Variants in BRIP1 observed in about 807,000 individuals in gnomAD.
BRIP1 encodes Fanconi anemia group J protein.
A neutral mutation model predicts 119.7 loss-of-function variants in BRIP1; 88 were observed. That is an observed-to-expected ratio of 0.74 (90% CI 0.62 to 0.88). The LOEUF is 0.88. Among genes scored for constraint, BRIP1 ranks in the 40% least tolerant of loss-of-function variants. BRIP1 has a pLI of 0.00. For synonymous variants in BRIP1, 443 were observed against 496.5 expected (o/e 0.89, Z 1.43); for missense variants, 1,259 against 1,455.4 (o/e 0.87, Z 2.20).
rs1420431000 is a variant in BRIP1, at chr17:61,683,816, A to C, written c.3230T>G (p.Leu1077Ter). Residue 1077 changes from leucine (L) to a stop codon, truncating the protein, a stop_gained, in exon 20 of 20, where the codon TTA becomes TGA. Coordinates refer to ENST00000259008, the MANE Select transcript of BRIP1 (RefSeq NM_032043.3). LOFTEE classifies it low-confidence loss of function (END_TRUNC). This position sits in a 1 kb window ranked among gnomAD's most constrained non-coding sequence, Gnocchi z 4.7. ...CPQSETIISS[L>*]KIDATLTRKN... ...TCTAGTAAGGGTGGCATCAATCTTT[A>C]ATGATGAAATAATGGTTTCTGATTG... is the stretch of plus-strand genomic sequence containing the variant. 2 of 1,614,064 alleles carry C rather than the reference A, an allele frequency of 1.2e-6. No homozygotes were observed. The highest frequency in any genetic ancestry group is 1.3e-5 in the African/African-American group (1 of 74,922).
chr17:61,767,130 A>G lies in BRIP1; in HGVS notation c.2097+9271T>C, dbSNP rs1405664571. ...CCCTTAAACAAATGCTGCAGTTTAC[A>G]TCAAAAGAATATTAGTTTTTACTCA... On this transcript the variant is annotated intron_variant, in intron 14 of 19. Coordinates refer to ENST00000259008, the MANE Select transcript of BRIP1 (RefSeq NM_032043.3). This position sits in a 1 kb window ranked among gnomAD's most constrained non-coding sequence, Gnocchi z 5.7. 2.6e-5 allele frequency among the ~76,000 whole-genome samples: 4 copies of G among 152,202 alleles called. No individual in the cohort carries two copies. In the East Asian group the frequency reaches 7.7e-4, roughly 29 times the overall value.
chr17:61,756,734 A>C lies in BRIP1; in HGVS notation c.2098-12143T>G, dbSNP rs567330944. Among the ~76,000 whole-genome samples, 1 of 152,342 alleles carries C rather than the reference A, an allele frequency of 6.6e-6. No individual in the cohort carries two copies. The highest frequency in any genetic ancestry group is 2.1e-4 in the South Asian group (1 of 4,828). On this transcript the variant is annotated intron_variant, in intron 14 of 19. Transcript: ENST00000259008. This position sits in a 1 kb window ranked among gnomAD's most constrained non-coding sequence, Gnocchi z 4.3. ...TTACACAGTTCCAGATGTTCAGTAC[A>C]TTAATAATACACTAACTCAAAGCCT...
rs566183142 is a variant in BRIP1 at position 61,851,006 on chromosome 17, T to A, written c.380-1750A>T. On this transcript the variant is annotated intron_variant, in intron 4 of 19. Transcript: ENST00000259008. This position sits in a 1 kb window ranked among gnomAD's most constrained non-coding sequence, Gnocchi z 4.6. ...ACTTTGGGAGGCCGAGGCAGGTGGA[T>A]CACCTGAGGCCAGGAGTTTGAGACC... Among the ~76,000 whole-genome samples, 5 of 152,166 alleles carry A rather than the reference T, an allele frequency of 3.3e-5. No homozygotes were observed. The South Asian group carries it at 1.0e-3, about 32-fold the overall frequency.
Position 61,734,627 on chromosome 17 carries a change from C to A in BRIP1, c.2379+8386G>T, listed in dbSNP as rs1372443415. 6.6e-6 allele frequency among the ~76,000 whole-genome samples: 1 copy of A among 152,164 alleles called. No individual in the cohort carries two copies. The highest frequency in any genetic ancestry group is 6.5e-5 in the Admixed American group (1 of 15,282). Reference sequence around the variant, plus strand: ...TTGGCTCCAAAATGAAATTTTCCTACCTCTACTTTCTAGTCCCTAAGGTGG... The same window carrying A: ...TTGGCTCCAAAATGAAATTTTCCTAACTCTACTTTCTAGTCCCTAAGGTGG... On this transcript the variant is annotated intron_variant, in intron 16 of 19. Transcript: ENST00000259008. This position sits in a 1 kb window ranked among gnomAD's most constrained non-coding sequence, Gnocchi z 5.2.
At position 61,809,114 on chromosome 17, in the gene BRIP1, C is replaced by T. The variant is rs564161694; in HGVS notation, c.628-357G>A. On this transcript the variant is annotated intron_variant, in intron 6 of 19. Coordinates refer to ENST00000259008, the MANE Select transcript of BRIP1 (RefSeq NM_032043.3). The surrounding 1 kb of genome is among the most constrained non-coding windows in gnomAD (Gnocchi z 5.2). ...TTTTAATTTTTTCTTAGGCTTCATACGAACTTGTGATATTATAGTTTAGAG... is the reference window on the plus strand; with the variant it reads ...TTTTAATTTTTTCTTAGGCTTCATATGAACTTGTGATATTATAGTTTAGAG... 5.9e-5 allele frequency among the ~76,000 whole-genome samples: 9 copies of T among 152,144 alleles called. No homozygotes were observed. Among genetic ancestry groups the T allele is most frequent in the African/African-American group, 1.2e-4 (5 of 41,524 alleles).
intron 17 of BRIP1, among the ~76,000 whole-genome samples, chr17:61,715,712 A>C (rs1054417703): frequency 3.9e-5 from 6 of 152,184 alleles, no homozygotes; most frequent in African/African-American, 1.4e-4. Context: ...TCATTGTTAG[A>C]TCAATCACAA....
intron 16 of BRIP1, among the ~76,000 whole-genome samples, chr17:61,737,301 C>G (rs1302380772): frequency 6.6e-6 from 1 of 152,084 alleles, no homozygotes; most frequent in Non-Finnish European, 1.5e-5. Context: ...TTTTAAAAAC[C>G]TGATCCAACT....
At chr17:61,765,829 G>A (rs1178730225) in intron 14 of BRIP1, among the ~76,000 whole-genome samples, 2 of 146,428 alleles carry the variant, frequency 1.4e-5, no homozygotes, top group African/African-American at 2.5e-5. Context: ...CTATATTCAT[G>A]CACACACACA....
Position 61,780,903 on chromosome 17 carries a change from C to T in BRIP1, c.1731G>A (p.Lys577=), listed in dbSNP as rs587780829. 4 of 1,614,110 alleles carry T rather than the reference C, an allele frequency of 2.5e-6. No homozygotes were observed. The highest frequency in any genetic ancestry group is 3.4e-6 in the Non-Finnish European group (4 of 1,179,992). The change falls in exon 12 of 20, where the codon AAG becomes AAA. Residue 577 remains lysine, a synonymous_variant. Coordinates refer to ENST00000259008, the MANE Select transcript of BRIP1 (RefSeq NM_032043.3). The surrounding 1 kb of genome is among the most constrained non-coding windows in gnomAD (Gnocchi z 5.4). ...CTGCAGTTTTCTGTCGTGAACGTTT[C>T]TTATTTTTTGGTAGAACCAACAACC... The part of the protein sequence containing the change: ...KNGLLVLPKN[K]KRSRQKTAVH...
Position 61,760,533 on chromosome 17 carries a change from C to A in BRIP1, c.2097+15868G>T, listed in dbSNP as rs375246274. On this transcript the variant is annotated intron_variant, in intron 14 of 19. Coordinates refer to ENST00000259008, the MANE Select transcript of BRIP1 (RefSeq NM_032043.3). The surrounding 1 kb of genome is among the most constrained non-coding windows in gnomAD (Gnocchi z 4.6). The stretch of plus-strand genomic sequence containing the variant: ...TGAAAAGATAAATGAAATCAACAAA[C>A]CTTTAGCTAGATTAACAAGAAAAAA... Among the ~76,000 whole-genome samples, 2 of 151,634 alleles carry A rather than the reference C, an allele frequency of 1.3e-5. No individual in the cohort carries two copies. The highest frequency in any genetic ancestry group is 2.4e-5 in the African/African-American group (1 of 41,312).
chr17:61,785,006 C>A (rs1314822036), intron 10 of BRIP1, among the ~76,000 whole-genome samples: 2 of 152,080 alleles, frequency 1.3e-5, no homozygotes, highest in Non-Finnish European at 2.9e-5. Flanking sequence ...GCCATATTAG[C>A]AAAATTCTCC....
rs1375884098 is a variant in BRIP1, at chr17:61,710,905, G to A, written c.2492+5046C>T. On this transcript the variant is annotated intron_variant, in intron 17 of 19. Coordinates refer to ENST00000259008, the MANE Select transcript of BRIP1 (RefSeq NM_032043.3). The surrounding 1 kb of genome is among the most constrained non-coding windows in gnomAD (Gnocchi z 5.4). ...AAAATATAAAAATTAGCTGGGCATG[G>A]TAGTGCGTGCCTGTAATCTCAGCTA... Among the ~76,000 whole-genome samples, 1 of 151,876 alleles carries A rather than the reference G, an allele frequency of 6.6e-6. No homozygotes were observed. The highest frequency in any genetic ancestry group is 1.5e-5 in the Non-Finnish European group (1 of 67,980).
At position 61,725,555 on chromosome 17, in the gene BRIP1, A is replaced by G. The variant is rs2076755335; in HGVS notation, c.2380-9492T>C. ...AAATATAACCAGTTTTTCCTATTAA[A>G]AAGTTAATACTCTAAGACATGCAAG... is the stretch of plus-strand genomic sequence containing the variant. On this transcript the variant is annotated intron_variant, in intron 16 of 19. Transcript: ENST00000259008. This position sits in a 1 kb window ranked among gnomAD's most constrained non-coding sequence, Gnocchi z 5.3. 6.6e-6 allele frequency among the ~76,000 whole-genome samples: 1 copy of G among 152,178 alleles called. No homozygotes were observed. The highest frequency in any genetic ancestry group is 2.1e-4 in the South Asian group (1 of 4,826).
At position 61,770,824 on chromosome 17, in the gene BRIP1, A is replaced by G. The variant is rs1314027952; in HGVS notation, c.2097+5577T>C. Among the ~76,000 whole-genome samples, 1 of 152,198 alleles carries G rather than the reference A, an allele frequency of 6.6e-6. No homozygotes were observed. Among genetic ancestry groups the G allele is most frequent in the Non-Finnish European group, 1.5e-5 (1 of 68,028 alleles). On this transcript the variant is annotated intron_variant, in intron 14 of 19. Transcript: ENST00000259008. The surrounding 1 kb of genome is among the most constrained non-coding windows in gnomAD (Gnocchi z 4.7). ...AAATTTAAATGGCACACTAGAAAAT[A>G]TCTATCTATTAGATTCAAAAGGCAA...
chr17:61,692,929 C>A (rs999888017), intron 18 of BRIP1, among the ~76,000 whole-genome samples: 3 of 152,148 alleles, frequency 2.0e-5, no homozygotes, highest in African/African-American at 7.2e-5. Context: ...ATGTCCATTG[C>A]AGCATTGTTC....
rs1048965327 is a variant in BRIP1, at chr17:61,851,727, T to C, written c.380-2471A>G. ...ACCTTGACCTGCTTCTTCAAAAGCA[T>C]CCTGGCTATCCTTAGTCCTTTGCAT... On this transcript the variant is annotated intron_variant, in intron 4 of 19. Coordinates refer to ENST00000259008, the MANE Select transcript of BRIP1 (RefSeq NM_032043.3). This position sits in a 1 kb window ranked among gnomAD's most constrained non-coding sequence, Gnocchi z 4.6. 6.6e-6 allele frequency among the ~76,000 whole-genome samples: 1 copy of C among 152,190 alleles called. No individual in the cohort carries two copies. The highest frequency in any genetic ancestry group is 1.5e-5 in the Non-Finnish European group (1 of 68,044).
At position 61,689,436 on chromosome 17, in the gene BRIP1, C is replaced by T. The variant is rs1306395663; in HGVS notation, c.2576-3271G>A. Among the ~76,000 whole-genome samples the T allele has an allele frequency of 6.6e-6, 1 of 151,806 alleles. No homozygotes were observed. The highest frequency in any genetic ancestry group is 1.5e-5 in the Non-Finnish European group (1 of 67,966). The stretch of plus-strand genomic sequence containing the variant: ...TTCATTTATGACTTGACTTATGGGG[C>T]ACCGTCAAGCTGACCAATATACACA... On this transcript the variant is annotated intron_variant, in intron 18 of 19. Transcript: ENST00000259008. The surrounding 1 kb of genome is among the most constrained non-coding windows in gnomAD (Gnocchi z 4.5).
Position 61,769,117 on chromosome 17 carries a change from AG to A in BRIP1, c.2097+7283del, listed in dbSNP as rs1283053672. On this transcript the variant is annotated intron_variant, in intron 14 of 19. Coordinates refer to ENST00000259008, the MANE Select transcript of BRIP1 (RefSeq NM_032043.3). This position sits in a 1 kb window ranked among gnomAD's most constrained non-coding sequence, Gnocchi z 4.9. ...AGGGATAAATTCTGCAAACAAACTG[AG>A]GGACCCTGGAAGCTAATCTTTCCCC... 6.6e-6 allele frequency among the ~76,000 whole-genome samples: 1 copy of A among 152,108 alleles called. No homozygotes were observed. Among genetic ancestry groups the A allele is most frequent in the Non-Finnish European group, 1.5e-5 (1 of 68,026 alleles).
rs544705031 is a variant in BRIP1, at chr17:61,832,076, G to A, written c.627+15025C>T. ...GCAAAACTAACTCCCAGAACACAGCGTTCAAATGTTATTTTTCACTAAATG... is the reference window on the plus strand; with the variant it reads ...GCAAAACTAACTCCCAGAACACAGCATTCAAATGTTATTTTTCACTAAATG... On this transcript the variant is annotated intron_variant, in intron 6 of 19. Transcript: ENST00000259008. The surrounding 1 kb of genome is among the most constrained non-coding windows in gnomAD (Gnocchi z 5.5). Among the ~76,000 whole-genome samples the A allele has an allele frequency of 2.0e-5, 3 of 152,254 alleles. No individual in the cohort carries two copies. The highest frequency in any genetic ancestry group is 2.1e-4 in the South Asian group (1 of 4,816).
Sources: allele counts gnomAD v4.1 joint callset (sites outside exome capture counted in the v4.1 genomes callset), GRCh38; gene constraint gnomAD v4.1.1; non-coding constraint Gnocchi (gnomAD v3.1); transcripts MANE v1.5; gene names NCBI Gene and HGNC (gene_info 2026-07-23, HGNC 2026-07-21).